Variants in ADGRL3 observed in about 807,000 individuals in gnomAD.
The protein encoded by ADGRL3 is adhesion G protein-coupled receptor L3.
A neutral mutation model predicts 153.5 loss-of-function variants in ADGRL3; 62 were observed. That is an observed-to-expected ratio of 0.40 (90% CI 0.33 to 0.50). The LOEUF (loss-of-function observed/expected upper bound fraction) is 0.50, where lower values mean the gene tolerates loss of function less well. Ranked by LOEUF, ADGRL3 falls within the 20% of genes least tolerant of loss-of-function variation. The pLI, the probability that ADGRL3 is intolerant of heterozygous loss-of-function variation, is 0.47. For synonymous variants in ADGRL3, 710 were observed against 672.5 expected, an observed-to-expected ratio of 1.06 and a Z score of -0.86; for missense variants, 1,641 against 1,859.4, an observed-to-expected ratio of 0.88 and a Z score of 2.16.
At chr4:61,209,395 C>T (rs1478794633) in intron 1 of ADGRL3, among the ~76,000 whole-genome samples, 1 of 151,954 alleles carries the variant, frequency 6.6e-6, no homozygotes, top group Non-Finnish European at 1.5e-5. Flanking sequence ...TATAAAAGTA[C>T]CTGGTGGAGT....
chr4:61,211,458 A>G (rs980388318), intron 1 of ADGRL3, among the ~76,000 whole-genome samples: 1 of 152,296 alleles, frequency 6.6e-6, no homozygotes, highest in Middle Eastern at 3.4e-3. Context: ...CTGTGGACGA[A>G]TGGATAGTTA....
chr4:61,425,587 A>G (rs1046692910), intron 2 of ADGRL3: 1 of 152,328 alleles, frequency 6.6e-6, no homozygotes, highest in African/African-American at 2.4e-5. Context: ...CAGGCTAACC[A>G]TTCATTTCTG....
At chr4:61,424,026 A>G (rs1302934322) in intron 2 of ADGRL3, among the ~76,000 whole-genome samples, 2 of 152,142 alleles carry the variant, frequency 1.3e-5, no homozygotes, top group Admixed American at 1.3e-4. Flanking sequence ...TCAGGTTTTA[A>G]CCTGAGCTGG....
chr4:61,936,015 G>C lies in ADGRL3; in HGVS notation c.2389G>C (p.Ala797Pro). The stretch of plus-strand genomic sequence containing the variant: ...CCATGGAAGCACTATCCAGCTGTCT[G>C]CAAATACCTTAAAGCAAAATGGCCG... ...MGHGSTIQLSANTLKQNGRNG... is the reference protein window; with the variant it reads ...MGHGSTIQLSPNTLKQNGRNG... Residue 797 changes from alanine to proline, a missense_variant, in exon 15 of 27, where the codon GCA (alanine) becomes CCA (proline). Ala to Pro is a conservative substitution (Grantham distance 27, BLOSUM62 -1). This residue lies in a region of ADGRL3 where 734 missense variants were observed against 797.0 expected (regional missense o/e 0.92). Coordinates refer to ENST00000683033, the MANE Select transcript of ADGRL3 (RefSeq NM_001387552.1). The C allele has an allele frequency of 6.2e-7, 1 of 1,610,550 alleles. No individual in the cohort carries two copies. The highest frequency in any genetic ancestry group is 2.2e-5 in the East Asian group (1 of 44,776).
chr4:62,021,325 T>G (rs1028798470), intron 21 of ADGRL3, among the ~76,000 whole-genome samples: 5 of 152,160 alleles, frequency 3.3e-5, no homozygotes, highest in African/African-American at 2.4e-5. Flanking sequence ...AGAAGAGGGC[T>G]ATGAGGTGCA....
At chr4:61,325,230 T>C (rs1369838340) in intron 1 of ADGRL3, among the ~76,000 whole-genome samples, 3 of 152,122 alleles carry the variant, frequency 2.0e-5, no homozygotes, top group Non-Finnish European at 4.4e-5. Flanking sequence ...GAGAATCGCT[T>C]GAACCAGGGA....
intron 1 of ADGRL3, among the ~76,000 whole-genome samples, chr4:61,302,561 T>C (rs2094613582): frequency 6.6e-6 from 1 of 152,178 alleles, no homozygotes; most frequent in African/African-American, 2.4e-5. Context: ...TCATAGATGT[T>C]TTTAAAGATT....
intron 2 of ADGRL3, among the ~76,000 whole-genome samples, chr4:61,423,119 A>G (rs901537604): frequency 5.3e-5 from 8 of 152,182 alleles, no homozygotes; most frequent in African/African-American, 1.7e-4. Context: ...AAAATTATAT[A>G]GCTTATCTGA....
At chr4:61,855,899 A>T (rs549624668) in intron 9 of ADGRL3, among the ~76,000 whole-genome samples, 1 of 152,202 alleles carries the variant, frequency 6.6e-6, no homozygotes, top group Non-Finnish European at 1.5e-5. Flanking sequence ...GCAATTAAGT[A>T]AACTCTGTGA....
intron 2 of ADGRL3, among the ~76,000 whole-genome samples, chr4:61,422,850 T>A (rs1009856267): frequency 6.6e-6 from 1 of 151,754 alleles, no homozygotes; most frequent in African/African-American, 2.4e-5. Context: ...TATGTATGAT[T>A]AAGAATATGT....
chr4:61,851,192 A>T (rs2098198071), intron 9 of ADGRL3, among the ~76,000 whole-genome samples: 1 of 152,184 alleles, frequency 6.6e-6, no homozygotes, highest in African/African-American at 2.4e-5. Context: ...CAGAGAAATT[A>T]TGAAGATCTT....
chr4:61,529,508 A>T (rs2098598949), intron 4 of ADGRL3, among the ~76,000 whole-genome samples: 1 of 152,164 alleles, frequency 6.6e-6, no homozygotes, highest in African/African-American at 2.4e-5. Flanking sequence ...TAATTTATAT[A>T]ATCACCTTGG....
At chr4:61,539,601 G>C (rs948364783) in intron 4 of ADGRL3, among the ~76,000 whole-genome samples, 1 of 152,144 alleles carries the variant, frequency 6.6e-6, no homozygotes, top group Non-Finnish European at 1.5e-5. Flanking sequence ...GCCACAGTGG[G>C]TACGCAAACA....
chr4:61,924,914 AT>A (rs2098787993), intron 13 of ADGRL3, among the ~76,000 whole-genome samples: 1 of 152,038 alleles, frequency 6.6e-6, no homozygotes, highest in East Asian at 1.9e-4. Context: ...ATGGTTTATT[AT>A]TTGCTTCCCT....
chr4:61,753,923 G>A (rs2096788204), intron 8 of ADGRL3, among the ~76,000 whole-genome samples: 1 of 152,150 alleles, frequency 6.6e-6, no homozygotes, highest in African/African-American at 2.4e-5. Flanking sequence ...AGGATACCAA[G>A]CCAATGGACT....
Position 62,071,986 on chromosome 4 carries a change from G to T in ADGRL3, c.*1078G>T. On this transcript the variant is annotated 3_prime_UTR_variant, in exon 27 of 27. Transcript: ENST00000683033. ...TTTATGTTTACAGGGCACGTCTGTTGTAATGCAAAGCATATTTGGCAAGCA... is the reference window on the plus strand; with the variant it reads ...TTTATGTTTACAGGGCACGTCTGTTTTAATGCAAAGCATATTTGGCAAGCA... 1 of 210,472 alleles carries T rather than the reference G, an allele frequency of 4.8e-6. No homozygotes were observed. The highest frequency in any genetic ancestry group is 9.6e-6 in the Non-Finnish European group (1 of 104,570). The allele number at this position is 210,472 out of a possible 1,614,324, so 13.0% of individuals were successfully genotyped here. A position where few individuals can be genotyped will look rare whatever the true frequency, so the allele number is the denominator to read the frequency against.
At chr4:61,495,463 G>A (rs1288086920) in intron 2 of ADGRL3, among the ~76,000 whole-genome samples, 2 of 150,822 alleles carry the variant, frequency 1.3e-5, no homozygotes. Context: ...AGGAAGGAAG[G>A]GAGGGAGGAG....
At chr4:61,811,074 G>A (rs2097610807) in intron 8 of ADGRL3, among the ~76,000 whole-genome samples, 1 of 152,092 alleles carries the variant, frequency 6.6e-6, no homozygotes, top group Admixed American at 6.6e-5. Context: ...TCGGAAATCA[G>A]TCTGACAGTT....
intron 1 of ADGRL3, among the ~76,000 whole-genome samples, chr4:61,362,699 CAGA>C (rs1021661197): frequency 1.1e-4 from 16 of 151,994 alleles, no homozygotes; most frequent in African/African-American, 3.1e-4. Flanking sequence ...ATTGAGTAGG[CAGA>C]AGAAGAGTAG....
Sources: gnomAD v4.1 joint callset for allele counts (sites outside exome capture counted in the v4.1 genomes callset) on GRCh38, gnomAD v4.1.1 for gene constraint, gnomAD v4.1.1 regional missense constraint, MANE v1.5 for transcripts, NCBI Gene and HGNC (gene_info 2026-07-23, HGNC 2026-07-21) for gene names.